MVP: variants seen among roughly 807,000 people sequenced by gnomAD.
MVP encodes major vault protein.
A neutral mutation model predicts 83.5 loss-of-function variants in MVP; 62 were observed. The ratio of observed to expected loss-of-function variants is 0.74; its 90% CI spans 0.61 to 0.92. The LOEUF (loss-of-function observed/expected upper bound fraction) is 0.92, where lower values mean the gene tolerates loss of function less well. Ranked by LOEUF, MVP falls within the 40% of genes least tolerant of loss-of-function variation. The probability of loss-of-function intolerance (pLI) is 0.00; values close to 1 mark genes in which losing one functional copy is unlikely to be tolerated. For missense variants in MVP, 1,000 were observed against 1,203.4 expected, an observed-to-expected ratio of 0.83 and a Z score of 2.50; for synonymous variants, 505 against 504.1, an observed-to-expected ratio of 1.00 and a Z score of -0.02.
At chr16:29,825,786 A>G (rs1478877476) in intron 1 of MVP, among the ~76,000 whole-genome samples, 1 of 152,176 alleles carries the variant, frequency 6.6e-6, no homozygotes, top group African/African-American at 2.4e-5. Context: ...GAGATTATCC[A>G]CTGATGAACC....
At chr16:29,842,995 G>A (rs1272896178) in intron 10 of MVP, among the ~76,000 whole-genome samples, 1 of 152,230 alleles carries the variant, frequency 6.6e-6, no homozygotes. Flanking sequence ...CCTGGCCTGC[G>A]CCCCCGCCCT....
intron 13 of MVP, among the ~76,000 whole-genome samples, chr16:29,846,510 C>T (rs766998307): frequency 4.6e-5 from 7 of 152,240 alleles, no homozygotes; most frequent in Non-Finnish European, 1.0e-4. Context: ...CACTGGCCAC[C>T]TTGGCACAAG....
At chr16:29,823,194 C>T (rs1184532189) in intron 1 of MVP, among the ~76,000 whole-genome samples, 3 of 133,714 alleles carry the variant, frequency 2.2e-5, no homozygotes, top group Non-Finnish European at 3.1e-5. Flanking sequence ...GCTCCATTTA[C>T]GGCTCACTGC....
At position 29,847,699 on chromosome 16, in the gene MVP, G is replaced by A. The variant is rs2067597728; in HGVS notation, c.2455-63G>A. 2.5e-5 allele frequency: 38 copies of A among 1,502,554 alleles called. No homozygotes were observed. The South Asian group carries it at 4.3e-4, about 17-fold the overall frequency. The allele number at this position is 1,502,554 out of a possible 1,614,324, so 93.1% of individuals were successfully genotyped here. ...CCTTCAAACCAGCTGACTTAAGGAGGGTCACTCTGAAGTGGCCAGGGTTTG... is the reference window on the plus strand; with the variant it reads ...CCTTCAAACCAGCTGACTTAAGGAGAGTCACTCTGAAGTGGCCAGGGTTTG... On this transcript the variant is annotated intron_variant, in intron 14 of 14. Transcript: ENST00000357402.
At chr16:29,827,629 A>G (rs1379389373) in intron 1 of MVP, among the ~76,000 whole-genome samples, 3 of 152,340 alleles carry the variant, frequency 2.0e-5, no homozygotes, top group East Asian at 3.9e-4. Context: ...TTAAATTAAA[A>G]TTAGCTGGGT....
intron 1 of MVP, chr16:29,820,775 G>A (rs1258868696): frequency 1.3e-5 from 2 of 152,340 alleles, no homozygotes; most frequent in African/African-American, 4.8e-5. Context: ...CAACTCTCAG[G>A]CCTCTCTCTG....
intron 7 of MVP, among the ~76,000 whole-genome samples, chr16:29,837,953 C>G (rs1412129364): frequency 6.6e-6 from 1 of 152,108 alleles, no homozygotes; most frequent in Admixed American, 6.6e-5. Flanking sequence ...TGTGGGAATA[C>G]CAGCAGTTGC....
In MVP at chr16:29,846,146, C is replaced by G; in HGVS notation, c.2139-12C>G. The G allele has an allele frequency of 1.2e-6, 2 of 1,607,414 alleles. No individual in the cohort carries two copies. Among genetic ancestry groups the G allele is most frequent in the Non-Finnish European group, 1.7e-6 (2 of 1,176,430 alleles). ...GTCTCCCGGGTCTTACCTGACTCTG[C>G]CTTCTCCCCAGCATGGCCGTGGAGA... On this transcript the variant is annotated splice_polypyrimidine_tract_variant and intron_variant, in intron 12 of 14. Transcript: ENST00000357402.
At chr16:29,823,676 ACC>A (rs2067381916) in intron 1 of MVP, among the ~76,000 whole-genome samples, 3 of 151,680 alleles carry the variant, frequency 2.0e-5, no homozygotes, top group Admixed American at 2.0e-4. Flanking sequence ...ACACAGTGAA[ACC>A]CCATCTCTAC....
intron 10 of MVP, among the ~76,000 whole-genome samples, chr16:29,844,138 T>C (rs1181757051): frequency 6.6e-6 from 1 of 152,208 alleles, no homozygotes; most frequent in East Asian, 1.9e-4. Context: ...GGACCTCTAC[T>C]TCCTCATCTG....
In MVP at chr16:29,836,917, C is replaced by A; in HGVS notation, c.868C>A (p.Pro290Thr). 1 of 1,613,904 alleles carries A rather than the reference C, an allele frequency of 6.2e-7. No individual in the cohort carries two copies. The highest frequency in any genetic ancestry group is 8.5e-7 in the Non-Finnish European group (1 of 1,179,914). ...NYCVILDPVG[P>T]DGKNQLGQKR... ...CTGCGTGATTCTCGACCCTGTCGGA[C>A]CGGATGGCAAGAATCAGCTGGGGCA... Residue 290 changes from proline to threonine, a missense_variant, in exon 7 of 15, where the codon CCG (proline) becomes ACG (threonine). By Grantham distance (38) the Pro-to-Thr change is conservative. Coordinates refer to ENST00000357402, the MANE Select transcript of MVP (RefSeq NM_005115.5).
At chr16:29,837,243 G>C (rs1394285307) in intron 7 of MVP, among the ~76,000 whole-genome samples, 1 of 152,198 alleles carries the variant, frequency 6.6e-6, no homozygotes, top group Non-Finnish European at 1.5e-5. Context: ...TAATGATGGG[G>C]ATACATTCTG....
rs754641448 is a variant in MVP, at chr16:29,848,005, A to G, written c.*16A>G. The G allele has an allele frequency of 4.4e-6, 7 of 1,600,364 alleles. No individual in the cohort carries two copies. In the East Asian group the frequency reaches 6.7e-5, roughly 15 times the overall value. ...ACTGCGCTAACTCCTGATTAATACA[A>G]TGGAAGTTTCTGGGCATTTACAATT... On this transcript the variant is annotated 3_prime_UTR_variant, in exon 15 of 15. Transcript: ENST00000357402.
chr16:29,835,219 AG>A (rs2067476220), intron 5 of MVP: 1 of 153,338 alleles, frequency 6.5e-6, no homozygotes, highest in Admixed American at 6.5e-5. Context: ...AAGGCAGAAC[AG>A]GCTGTTGGCA....
chr16:29,827,461 C>G (rs935513732), intron 1 of MVP, among the ~76,000 whole-genome samples: 1 of 152,144 alleles, frequency 6.6e-6, no homozygotes, highest in Non-Finnish European at 1.5e-5. Flanking sequence ...ACCATGATGC[C>G]TCTCTAGAAA....
chr16:29,833,580 G>A, intron 3 of MVP, 153 bp from the exon 4 acceptor site: 1 of 969,782 alleles, frequency 1.0e-6, no homozygotes. Context: ...AAAGTTCTGG[G>A]ATGACAGGTG....
intron 1 of MVP, among the ~76,000 whole-genome samples, chr16:29,827,613 G>A (rs2067413269): frequency 6.6e-6 from 1 of 152,102 alleles, no homozygotes. Flanking sequence ...AGCCATATTT[G>A]GCAATTTAAA....
At chr16:29,840,622 C>A (rs1452009022) in intron 8 of MVP, among the ~76,000 whole-genome samples, 163 bp downstream of exon 8, 2 of 152,152 alleles carry the variant, frequency 1.3e-5, no homozygotes, top group East Asian at 3.9e-4. Context: ...TGTTTGCCAT[C>A]CTTCTGCCTT....
At position 29,841,596 on chromosome 16, in the gene MVP, G is replaced by A; in HGVS notation, c.1192G>A (p.Val398Met). 1 of 1,595,234 alleles carries A rather than the reference G, an allele frequency of 6.3e-7. No individual in the cohort carries two copies. The highest frequency in any genetic ancestry group is 8.5e-7 in the Non-Finnish European group (1 of 1,169,864). ...CTTCCCTCCCTGTCCTCGTCCCAAG[G>A]TGCGCGCTGTGATTGGAAGCACCTA... Reference protein sequence around the residue: ...IYVQDVKTGKVRAVIGSTYML... With the variant: ...IYVQDVKTGKMRAVIGSTYML... The change falls in exon 9 of 15, where the codon GTG (valine) becomes ATG (methionine). Residue 398 changes from valine to methionine, a missense_variant and splice_region_variant. By Grantham distance (21) the Val-to-Met change is conservative (BLOSUM62 1). Coordinates refer to ENST00000357402, the MANE Select transcript of MVP (RefSeq NM_005115.5). This position sits in a 1 kb window ranked among gnomAD's most constrained non-coding sequence, Gnocchi z 4.7.
Sources: gnomAD v4.1 joint callset for allele counts (sites outside exome capture counted in the v4.1 genomes callset) on GRCh38, gnomAD v4.1.1 for gene constraint, Gnocchi (gnomAD v3.1) non-coding constraint, MANE v1.5 for transcripts, NCBI Gene and HGNC (gene_info 2026-07-23, HGNC 2026-07-21) for gene names.